AGBL4: variants seen among roughly 807,000 people sequenced by gnomAD.
AGBL4 encodes AGBL carboxypeptidase 4.
A neutral mutation model predicts 66.4 loss-of-function variants in AGBL4; 58 were observed. That is an observed-to-expected ratio of 0.87 (90% CI 0.71 to 1.09). AGBL4 has a LOEUF of 1.09. Ranked by LOEUF, AGBL4 falls within the 50% of genes least tolerant of loss-of-function variation. The pLI is 0.00. For missense variants in AGBL4, 579 were observed against 631.0 expected, an observed-to-expected ratio of 0.92 and a Z score of 0.88; for synonymous variants, 234 against 222.9, an observed-to-expected ratio of 1.05 and a Z score of -0.44.
chr1:49,903,207 G>A (rs758104511), intron 1 of AGBL4, among the ~76,000 whole-genome samples: 18 of 152,118 alleles, frequency 1.2e-4, no homozygotes, highest in South Asian at 8.3e-4. Flanking sequence ...CATGGATGGC[G>A]CTGGAGATCA....
At chr1:49,028,930 A>G (rs1478976944) in intron 5 of AGBL4, among the ~76,000 whole-genome samples, 1 of 152,216 alleles carries the variant, frequency 6.6e-6, no homozygotes, top group Non-Finnish European at 1.5e-5. Flanking sequence ...TCAACATAAT[A>G]TACAATTTTA....
In AGBL4 at chr1:49,516,437, G is replaced by T. The variant is rs972716627; in HGVS notation, c.282+180876C>A. Among the ~76,000 whole-genome samples, 20 of 152,160 alleles carry T rather than the reference G, an allele frequency of 1.3e-4. 1 individual carries two copies. Among genetic ancestry groups the T allele is most frequent in the African/African-American group, 3.6e-4 (15 of 41,538 alleles). ...AAAAAGAGGTGTGCTGTCTCCCACA[G>T]AAAGAGAACAATTTTAGCAAAGAAA... On this transcript the variant is annotated intron_variant, in intron 3 of 13. Coordinates refer to ENST00000371839, the MANE Select transcript of AGBL4 (RefSeq NM_032785.4).
intron 3 of AGBL4, among the ~76,000 whole-genome samples, chr1:49,456,945 T>C (rs938881530): frequency 2.0e-5 from 3 of 151,756 alleles, no homozygotes; most frequent in Non-Finnish European, 2.9e-5. Flanking sequence ...GCTATATATA[T>C]ATACCACATT....
intron 5 of AGBL4, among the ~76,000 whole-genome samples, chr1:49,001,908 G>T (rs1480498341): frequency 2.6e-5 from 4 of 152,102 alleles, no homozygotes; most frequent in African/African-American, 9.7e-5. Context: ...GGAACCTGAG[G>T]CAAATTAGCT....
intron 2 of AGBL4, among the ~76,000 whole-genome samples, chr1:49,741,721 C>T (rs1474314354): frequency 6.6e-6 from 1 of 152,178 alleles, no homozygotes; most frequent in African/African-American, 2.4e-5. Context: ...GGGGCTTCAT[C>T]CCTGGGATGC....
intron 5 of AGBL4, among the ~76,000 whole-genome samples, chr1:48,890,398 T>C (rs1294283272): frequency 1.3e-5 from 2 of 152,212 alleles, no homozygotes; most frequent in Non-Finnish European, 1.5e-5. Flanking sequence ...TTAAATATTA[T>C]ATTACTTTAA....
At chr1:49,900,314 C>T (rs1337435465) in intron 1 of AGBL4, among the ~76,000 whole-genome samples, 3 of 151,868 alleles carry the variant, frequency 2.0e-5, no homozygotes, top group Admixed American at 6.6e-5. Flanking sequence ...GGCGCAGTCT[C>T]GGCTCACCAC....
intron 3 of AGBL4, among the ~76,000 whole-genome samples, chr1:49,289,584 GTTATAT>G (rs1428047214): frequency 1.3e-5 from 2 of 152,100 alleles, no homozygotes; most frequent in South Asian, 2.1e-4. Context: ...TTCATTGACA[GTTATAT>G]TTATAATTTG....
chr1:49,304,563 A>T lies in AGBL4; in HGVS notation c.283-58699T>A, dbSNP rs1346283733. Among the ~76,000 whole-genome samples, 4 of 152,150 alleles carry T rather than the reference A, an allele frequency of 2.6e-5. No individual in the cohort carries two copies. In the South Asian group the frequency reaches 6.2e-4, roughly 24 times the overall value. ...AGATCTAGAGGTCACCCAGTTGCAGATGGTTATCAATGCCCAACTATGCCT... is the reference window on the plus strand; with the variant it reads ...AGATCTAGAGGTCACCCAGTTGCAGTTGGTTATCAATGCCCAACTATGCCT... On this transcript the variant is annotated intron_variant, in intron 3 of 13. Coordinates refer to ENST00000371839, the MANE Select transcript of AGBL4 (RefSeq NM_032785.4).
At chr1:48,591,437 A>C (rs566218029) in intron 9 of AGBL4, among the ~76,000 whole-genome samples, 2 of 152,142 alleles carry the variant, frequency 1.3e-5, no homozygotes, top group African/African-American at 4.8e-5. Flanking sequence ...TTTTGCCCCA[A>C]CTTGGCCATT....
intron 1 of AGBL4, among the ~76,000 whole-genome samples, chr1:49,892,950 T>C (rs1445241816): frequency 2.0e-5 from 3 of 152,154 alleles, no homozygotes; most frequent in Non-Finnish European, 2.9e-5. Context: ...CTTTTCCTAA[T>C]ACTTTGCAGT....
Position 48,651,328 on chromosome 1 carries a change from C to T in AGBL4, c.839+2009G>A, listed in dbSNP as rs145763390. Among the ~76,000 whole-genome samples the T allele has an allele frequency of 2.0e-4, 30 of 152,268 alleles. No homozygotes were observed. In the East Asian group the frequency reaches 5.4e-3, roughly 27 times the overall value. On this transcript the variant is annotated intron_variant, in intron 8 of 13. Coordinates refer to ENST00000371839, the MANE Select transcript of AGBL4 (RefSeq NM_032785.4). Reference sequence around the variant, plus strand: ...GAAAGCATGTAGCCCTCATCACCATCCCAGTGTCCATCTAAAGCCCTGAGA... The same window carrying T: ...GAAAGCATGTAGCCCTCATCACCATTCCAGTGTCCATCTAAAGCCCTGAGA...
At chr1:48,894,026 G>A (rs1289845115) in intron 5 of AGBL4, among the ~76,000 whole-genome samples, 2 of 152,162 alleles carry the variant, frequency 1.3e-5, no homozygotes, top group African/African-American at 2.4e-5. Flanking sequence ...CACCAGAGTC[G>A]CAAATGTTGG....
intron 3 of AGBL4, among the ~76,000 whole-genome samples, chr1:49,506,427 G>C (rs1280136140): frequency 6.6e-6 from 1 of 152,036 alleles, no homozygotes; most frequent in Admixed American, 6.6e-5. Context: ...TTGTGGGAGG[G>C]ACCCAGTGGG....
chr1:49,814,551 C>T (rs1645185456), intron 2 of AGBL4, among the ~76,000 whole-genome samples: 1 of 151,318 alleles, frequency 6.6e-6, no homozygotes, highest in African/African-American at 2.5e-5. Context: ...TTCAACCTTT[C>T]TTCTCTCCCT....
At chr1:48,827,727 T>A (rs1646457538) in intron 6 of AGBL4, among the ~76,000 whole-genome samples, 1 of 152,190 alleles carries the variant, frequency 6.6e-6, no homozygotes, top group Non-Finnish European at 1.5e-5. Context: ...CTGTACAGAA[T>A]CATGACAGCT....
At chr1:48,599,920 A>G (rs1645050025) in intron 9 of AGBL4, among the ~76,000 whole-genome samples, 2 of 152,200 alleles carry the variant, frequency 1.3e-5, no homozygotes, top group South Asian at 4.1e-4. Flanking sequence ...CTCTGGGAGA[A>G]AGCGTGGACC....
At chr1:49,365,957 C>CA (rs983010131) in intron 3 of AGBL4, among the ~76,000 whole-genome samples, 14 of 151,866 alleles carry the variant, frequency 9.2e-5, no homozygotes, top group Non-Finnish European at 1.9e-4. Context: ...AATGAGATAA[C>CA]AAAAAAAGTA....
At chr1:49,257,340 GGCT>G (rs1652611069) in intron 3 of AGBL4, 1 of 155,002 alleles carries the variant, frequency 6.5e-6, no homozygotes, top group Non-Finnish European at 1.4e-5. Context: ...CGAGTTTCCT[GGCT>G]GCTTTGTTTA....
Sources: allele counts gnomAD v4.1 joint callset (sites outside exome capture counted in the v4.1 genomes callset), GRCh38; gene constraint gnomAD v4.1.1; transcripts MANE v1.5; gene names NCBI Gene and HGNC (gene_info 2026-07-23, HGNC 2026-07-21).